Variants in PLAAT1 observed in about 807,000 individuals in gnomAD.
The protein encoded by PLAAT1 is phospholipase A and acyltransferase 1, also known as H-REV107 protein-related protein.
PLAAT1 carries 13 observed loss-of-function variants against 16.4 expected under a neutral mutation model. The observed-to-expected ratio is 0.79, with a 90% CI of 0.52 to 1.26. PLAAT1 has a LOEUF of 1.26. Among genes scored for constraint, PLAAT1 ranks in the 50% most tolerant of loss-of-function variants. PLAAT1 has a pLI of 0.00. For missense variants in PLAAT1, 218 were observed against 207.8 expected (o/e 1.05, Z -0.30); for synonymous variants, 73 against 78.4 (o/e 0.93, Z 0.36).
chr3:193,264,803 G>T (rs962253633), intron 3 of PLAAT1, among the ~76,000 whole-genome samples: 1 of 152,166 alleles, frequency 6.6e-6, no homozygotes, highest in Non-Finnish European at 1.5e-5. Flanking sequence ...GTGAGCCACC[G>T]TGCCCAGCCT....
At chr3:193,252,920 CT>C (rs1419552064) in intron 1 of PLAAT1, among the ~76,000 whole-genome samples, 1 of 143,676 alleles carries the variant, frequency 7.0e-6, no homozygotes, top group East Asian at 2.0e-4. Flanking sequence ...AGCTGCATTC[CT>C]GGAAGTTCTG....
At chr3:193,240,971 G>A (rs1010800596), upstream of PLAAT1, among the ~76,000 whole-genome samples, 3 of 152,288 alleles carry the variant, frequency 2.0e-5, no homozygotes, top group East Asian at 5.8e-4. Flanking sequence ...TGCCCTAAAC[G>A]TTGGCTGCGG....
intron 1 of PLAAT1, among the ~76,000 whole-genome samples, chr3:193,248,964 T>G (rs1293932801): frequency 6.6e-6 from 1 of 152,142 alleles, no homozygotes; most frequent in African/African-American, 2.4e-5. Flanking sequence ...AAGTGCCCAT[T>G]TTAGTATTTC....
downstream of PLAAT1, among the ~76,000 whole-genome samples, chr3:193,280,383 T>A (rs1717432624): frequency 6.6e-6 from 1 of 152,100 alleles, no homozygotes; most frequent in East Asian, 1.9e-4. Context: ...AAAATACCAC[T>A]TCCTCTTCAA....
rs115963519 is a variant in PLAAT1, at chr3:193,245,522, C to T, written c.-1+3989C>T. 6.8e-3 allele frequency among the ~76,000 whole-genome samples: 1,037 copies of T among 152,288 alleles called. 14 individuals carry two copies. Among genetic ancestry groups the T allele is most frequent in the African/African-American group, 0.024 (992 of 41,548 alleles). ...CATGAGGGTGCAGATATCTCTTCAACGTAATGGCTTCAGTTCATTTGGTTA... is the reference window on the plus strand; with the variant it reads ...CATGAGGGTGCAGATATCTCTTCAATGTAATGGCTTCAGTTCATTTGGTTA... On this transcript the variant is annotated intron_variant, in intron 1 of 3. Coordinates refer to ENST00000264735, the MANE Select transcript of PLAAT1 (RefSeq NM_020386.5).
At chr3:193,240,733 G>T (rs930555435), upstream of PLAAT1, among the ~76,000 whole-genome samples, 14 of 151,246 alleles carry the variant, frequency 9.3e-5, no homozygotes, top group African/African-American at 3.2e-4. Context: ...GTGTGGTGTG[G>T]TGTGTGTAAG....
chr3:193,275,181 A>C (rs748799196), downstream of PLAAT1: 14 of 1,614,146 alleles, frequency 8.7e-6, no homozygotes, highest in South Asian at 1.3e-4. Flanking sequence ...TGTCCTGTTT[A>C]TGGGAGGCCA....
intron 1 of PLAAT1, 130 bp downstream of exon 1, chr3:193,241,663 A>G: frequency 5.2e-6 from 3 of 577,094 alleles, no homozygotes; most frequent in Non-Finnish European, 7.7e-6. Flanking sequence ...TCTTTTTCAC[A>G]GACTGGGGAA....
intron 1 of PLAAT1, among the ~76,000 whole-genome samples, chr3:193,244,548 TAATC>T (rs149997516): frequency 0.02 from 3,056 of 152,232 alleles, 83 homozygotes; most frequent in African/African-American, 0.07. Flanking sequence ...ATTATAGAAA[TAATC>T]AAACTAATGT....
intron 1 of PLAAT1, among the ~76,000 whole-genome samples, chr3:193,245,043 G>A (rs1250065370): frequency 6.6e-6 from 1 of 152,130 alleles, no homozygotes; most frequent in Non-Finnish European, 1.5e-5. Context: ...ATTATTTTTT[G>A]TGGTGGTGAG....
chr3:193,265,946 G>A (rs1237640385), intron 3 of PLAAT1, among the ~76,000 whole-genome samples: 1 of 152,060 alleles, frequency 6.6e-6, no homozygotes, highest in African/African-American at 2.4e-5. Context: ...ATTTTTATTT[G>A]TTTACTTATT....
At chr3:193,259,822 T>C (rs1312480900) in intron 2 of PLAAT1, among the ~76,000 whole-genome samples, 1 of 152,136 alleles carries the variant, frequency 6.6e-6, no homozygotes, top group Non-Finnish European at 1.5e-5. Flanking sequence ...GATTCAACAC[T>C]ATTTCTATCA....
intron 2 of PLAAT1, among the ~76,000 whole-genome samples, chr3:193,258,013 A>G (rs915074771): frequency 6.6e-6 from 1 of 152,010 alleles, no homozygotes; most frequent in African/African-American, 2.4e-5. Flanking sequence ...AGATTTTGGG[A>G]CTCGGACTGG....
At chr3:193,241,098 C>A (rs1715709297), upstream of PLAAT1, 2 of 727,166 alleles carry the variant, frequency 2.8e-6, no homozygotes, top group Middle Eastern at 5.0e-4. Context: ...TGCGTCGGGG[C>A]GCGAGAAGGT....
chr3:193,242,043 G>T (rs1441317555), intron 1 of PLAAT1, among the ~76,000 whole-genome samples: 2 of 152,046 alleles, frequency 1.3e-5, no homozygotes, highest in Admixed American at 6.5e-5. Flanking sequence ...AACCGCGTGC[G>T]GCCCAGGACA....
At chr3:193,244,588 A>G (rs567095637) in intron 1 of PLAAT1, among the ~76,000 whole-genome samples, 6 of 151,888 alleles carry the variant, frequency 4.0e-5, no homozygotes, top group Admixed American at 6.5e-5. Flanking sequence ...GTTATAACAG[A>G]TTTATAACAG....
Position 193,270,598 on chromosome 3 carries a change from T to C in PLAAT1, c.406-6T>C. The stretch of plus-strand genomic sequence containing the variant: ...TGTTTTTTGTTTACTTCTTGTTTCC[T>C]TATAGGCCAACCGAGCGATAAGTAC... On this transcript the variant is annotated splice_region_variant and splice_polypyrimidine_tract_variant and intron_variant, in intron 3 of 3. Transcript: ENST00000264735. The C allele has an allele frequency of 1.2e-6, 2 of 1,611,638 alleles. No individual in the cohort carries two copies. Among genetic ancestry groups the C allele is most frequent in the Non-Finnish European group, 1.7e-6 (2 of 1,178,666 alleles).
chr3:193,250,545 A>G (rs1560099266), intron 1 of PLAAT1, among the ~76,000 whole-genome samples: 1 of 152,044 alleles, frequency 6.6e-6, no homozygotes, highest in Non-Finnish European at 1.5e-5. Context: ...AACTCTGTCA[A>G]CTCCCAGACT....
At chr3:193,255,575 C>T (rs1778167051) in intron 1 of PLAAT1, 76 bp from the exon 2 acceptor site, 21 of 1,383,702 alleles carry the variant, frequency 1.5e-5, no homozygotes, top group Non-Finnish European at 2.0e-5. Flanking sequence ...TATCATTCTG[C>T]TTTTATGGAT....
Sources: allele counts gnomAD v4.1 joint callset (sites outside exome capture counted in the v4.1 genomes callset), GRCh38; gene constraint gnomAD v4.1.1; transcripts MANE v1.5; gene names NCBI Gene and HGNC (gene_info 2026-07-23, HGNC 2026-07-21).